Variants in SPAG16 observed in about 807,000 individuals in gnomAD.
SPAG16 encodes sperm-associated antigen 16 protein.
A neutral mutation model predicts 80.4 loss-of-function variants in SPAG16; 86 were observed. The ratio of observed to expected loss-of-function variants is 1.07; its 90% CI spans 0.90 to 1.28. The LOEUF (loss-of-function observed/expected upper bound fraction) is 1.28. Among genes scored for constraint, SPAG16 ranks in the 50% most tolerant of loss-of-function variants. The probability of loss-of-function intolerance (pLI) is 0.00; values close to 1 mark genes in which losing one functional copy is unlikely to be tolerated. For missense variants in SPAG16, 870 were observed against 765.3 expected, an observed-to-expected ratio of 1.14 and a Z score of -1.61; for synonymous variants, 294 against 265.9, an observed-to-expected ratio of 1.11 and a Z score of -1.03.
At chr2:213,442,877 T>C (rs1274261875) in intron 9 of SPAG16, among the ~76,000 whole-genome samples, 1 of 152,094 alleles carries the variant, frequency 6.6e-6, no homozygotes, top group African/African-American at 2.4e-5. Context: ...ACAGGATCCA[T>C]GAACGAAAGA....
At chr2:213,394,736 A>G (rs1393005052) in intron 9 of SPAG16, among the ~76,000 whole-genome samples, 1 of 152,190 alleles carries the variant, frequency 6.6e-6, no homozygotes, top group Admixed American at 6.5e-5. Flanking sequence ...GCATAATTCC[A>G]CTGAGTCATC....
In SPAG16 at chr2:213,639,390, G is replaced by C. The variant is rs142893500; in HGVS notation, c.1070+149300G>C. On this transcript the variant is annotated intron_variant, in intron 10 of 15. Coordinates refer to ENST00000331683, the MANE Select transcript of SPAG16 (RefSeq NM_024532.5). Reference sequence around the variant, plus strand: ...CTATTTTGGTATATTTTGAGGATTTGTTTCAAGATTTAGAGCTCCTTTTAG... The same window carrying C: ...CTATTTTGGTATATTTTGAGGATTTCTTTCAAGATTTAGAGCTCCTTTTAG... 3.9e-3 allele frequency among the ~76,000 whole-genome samples: 595 copies of C among 152,272 alleles called. 5 individuals carry two copies. Among genetic ancestry groups the C allele is most frequent in the Middle Eastern group, 6.8e-3 (2 of 294 alleles).
chr2:213,994,577 C>CT (rs5838404), intron 12 of SPAG16, among the ~76,000 whole-genome samples: 2,652 of 139,114 alleles, frequency 0.019, 66 homozygotes, highest in African/African-American at 0.055. Context: ...ATTTTCCATC[C>CT]TTTTTTTTTT....
At chr2:213,532,526 A>G (rs891555172) in intron 10 of SPAG16, among the ~76,000 whole-genome samples, 1 of 147,690 alleles carries the variant, frequency 6.8e-6, no homozygotes, top group Admixed American at 6.9e-5. Context: ...AAGTGTTGCC[A>G]TCTCGGCTCA....
chr2:213,290,944 C>G (rs1291499392), intron 1 of SPAG16, among the ~76,000 whole-genome samples: 1 of 152,208 alleles, frequency 6.6e-6, no homozygotes, highest in Non-Finnish European at 1.5e-5. Flanking sequence ...TATCTCTACA[C>G]TGCACTATTC....
intron 15 of SPAG16, among the ~76,000 whole-genome samples, chr2:214,249,632 C>T (rs956427943): frequency 6.6e-6 from 1 of 152,052 alleles, no homozygotes; most frequent in Non-Finnish European, 1.5e-5. Context: ...CTATGATTTG[C>T]ATCACATTTA....
At chr2:213,299,638 C>A (rs1297043003) in intron 3 of SPAG16, among the ~76,000 whole-genome samples, 1 of 151,954 alleles carries the variant, frequency 6.6e-6, no homozygotes, top group African/African-American at 2.4e-5. Context: ...GAATTGATTG[C>A]ATGGTTTGCT....
chr2:213,379,933 C>T (rs1237317280), intron 9 of SPAG16, among the ~76,000 whole-genome samples: 1 of 152,138 alleles, frequency 6.6e-6, no homozygotes, highest in African/African-American at 2.4e-5. Flanking sequence ...CAGAACGGGG[C>T]ATCCTTTCCA....
chr2:213,647,180 T>C (rs1214797840), intron 10 of SPAG16, among the ~76,000 whole-genome samples: 2 of 152,196 alleles, frequency 1.3e-5, no homozygotes, highest in South Asian at 2.1e-4. Context: ...CTCTTTGTAT[T>C]GTGTGGTGGG....
intron 10 of SPAG16, among the ~76,000 whole-genome samples, chr2:213,832,988 T>A (rs181115696): frequency 1.3e-5 from 2 of 152,228 alleles, no homozygotes; most frequent in Admixed American, 1.3e-4. Flanking sequence ...AATTTGTATA[T>A]ATGTTTCATA....
At chr2:213,733,221 T>TTG (rs1439072578) in intron 10 of SPAG16, among the ~76,000 whole-genome samples, 4 of 3,186 alleles carry the variant, frequency 1.3e-3, no homozygotes, top group Non-Finnish European at 0.02. Context: ...AATGGGGTTG[T>TTG]TTTTTTTTTC....
intron 9 of SPAG16, among the ~76,000 whole-genome samples, chr2:213,444,971 G>A (rs568420827): frequency 6.6e-6 from 1 of 152,128 alleles, no homozygotes; most frequent in East Asian, 1.9e-4. Flanking sequence ...TTTGATAAAG[G>A]CACCAAGAAC....
chr2:214,136,242 T>C (rs2055045568), intron 14 of SPAG16, among the ~76,000 whole-genome samples: 1 of 152,142 alleles, frequency 6.6e-6, no homozygotes, highest in South Asian at 2.1e-4. Flanking sequence ...CTGGGGATCA[T>C]ATTTCAACAT....
chr2:213,986,851 T>A lies in SPAG16; in HGVS notation c.1401-27100T>A, dbSNP rs566474167. ...GTCTAATTTAATAATGCCAATTAAC[T>A]GAAAACAGTTTCTAGTCAATTTGTC... On this transcript the variant is annotated intron_variant, in intron 12 of 15. Transcript: ENST00000331683. Among the ~76,000 whole-genome samples the A allele has an allele frequency of 1.0e-4, 12 of 120,582 alleles. No individual in the cohort carries two copies. In the South Asian group the frequency reaches 3.0e-3, roughly 30 times the overall value. The allele number at this position is 120,582 out of a possible 152,430, so 79.1% of individuals were successfully genotyped here.
intron 10 of SPAG16, among the ~76,000 whole-genome samples, chr2:213,593,006 C>T (rs2060758133): frequency 1.3e-5 from 2 of 152,044 alleles, no homozygotes; most frequent in South Asian, 4.1e-4. Flanking sequence ...CCAACACCAC[C>T]ATGTTTTCCT....
At chr2:214,155,144 C>G (rs1200916232) in intron 15 of SPAG16, among the ~76,000 whole-genome samples, 2 of 152,094 alleles carry the variant, frequency 1.3e-5, no homozygotes, top group Non-Finnish European at 2.9e-5. Context: ...GAGCCACACA[C>G]AGAGAACTGG....
At chr2:213,549,687 T>G (rs190665530) in intron 10 of SPAG16, among the ~76,000 whole-genome samples, 5 of 152,298 alleles carry the variant, frequency 3.3e-5, no homozygotes, top group African/African-American at 1.2e-4. Context: ...TTCAAAAACT[T>G]GAAAGGCTTC....
chr2:213,662,351 G>A (rs1308500377), intron 10 of SPAG16, among the ~76,000 whole-genome samples: 1 of 152,118 alleles, frequency 6.6e-6, no homozygotes, highest in East Asian at 1.9e-4. Context: ...AGTGAACACA[G>A]AATATCCAAG....
intron 10 of SPAG16, among the ~76,000 whole-genome samples, chr2:213,600,198 C>T (rs535377149): frequency 1.3e-5 from 2 of 151,930 alleles, no homozygotes; most frequent in East Asian, 3.9e-4. Flanking sequence ...TTAGCCAATC[C>T]CCTTTCTCCA....
Sources: gnomAD v4.1 joint callset for allele counts (sites outside exome capture counted in the v4.1 genomes callset) on GRCh38, gnomAD v4.1.1 for gene constraint, MANE v1.5 for transcripts, NCBI Gene and HGNC (gene_info 2026-07-23, HGNC 2026-07-21) for gene names.